MYO18B: variants seen among roughly 807,000 people sequenced by gnomAD.
The protein encoded by MYO18B is unconventional myosin-XVIIIb.
MYO18B carries 204 observed loss-of-function variants against 273.0 expected under a neutral mutation model. The ratio of observed to expected loss-of-function variants is 0.75; its 90% CI spans 0.67 to 0.84. MYO18B has a LOEUF of 0.84. Ranked by LOEUF, MYO18B falls within the 40% of genes least tolerant of loss-of-function variation. MYO18B has a pLI of 0.00. For synonymous variants in MYO18B, 1,330 were observed against 1,305.7 expected, an observed-to-expected ratio of 1.02 and a Z score of -0.40; for missense variants, 3,212 against 3,287.6, an observed-to-expected ratio of 0.98 and a Z score of 0.56.
intron 11 of MYO18B, among the ~76,000 whole-genome samples, chr22:25,789,014 C>T (rs2087521217): frequency 6.6e-6 from 1 of 152,050 alleles, no homozygotes. Flanking sequence ...CTTCCAATGT[C>T]AGCCCTTCTT....
intron 3 of MYO18B, among the ~76,000 whole-genome samples, chr22:25,763,736 A>G (rs535206423): frequency 7.2e-5 from 11 of 152,340 alleles, no homozygotes; most frequent in Non-Finnish European, 1.3e-4. Flanking sequence ...TCAATTCTGT[A>G]TCTTAAGCAG....
In MYO18B at chr22:25,781,717, C is replaced by T. The variant is rs1319510415; in HGVS notation, c.2212-17C>T. The T allele has an allele frequency of 2.0e-6, 3 of 1,502,784 alleles. No homozygotes were observed. Among genetic ancestry groups the T allele is most frequent in the South Asian group, 1.4e-5 (1 of 72,444 alleles). 93.1% of individuals were successfully genotyped at this position (1,502,784 alleles called of 1,614,324 possible). A position where few individuals can be genotyped will look rare whatever the true frequency, so the allele number is the denominator to read the frequency against. ...TACCCAAAGCACTGACTGGGTGCCC[C>T]TCTTCTCTCCCTGCAGACAATGCTT... On this transcript the variant is annotated splice_polypyrimidine_tract_variant and intron_variant, in intron 9 of 43. Transcript: ENST00000335473.
intron 39 of MYO18B, among the ~76,000 whole-genome samples, chr22:25,986,619 G>A (rs1444953822): frequency 6.6e-6 from 1 of 152,180 alleles, no homozygotes; most frequent in African/African-American, 2.4e-5. Context: ...TTCAAGGTTT[G>A]TTAAACATTT....
intron 11 of MYO18B, among the ~76,000 whole-genome samples, chr22:25,796,217 G>T (rs1259722253): frequency 2.8e-5 from 2 of 71,928 alleles, no homozygotes; most frequent in Non-Finnish European, 5.5e-5. Flanking sequence ...AACATAATTG[G>T]AATCATAAAT....
chr22:26,026,418 C>T (rs759302018), intron 42 of MYO18B, 27 bp from the exon 43 acceptor site: 1 of 1,579,552 alleles, frequency 6.3e-7, no homozygotes, highest in Non-Finnish European at 8.6e-7. Flanking sequence ...ACAATTTCTA[C>T]AGACTGCATT....
downstream of MYO18B, among the ~76,000 whole-genome samples, chr22:26,033,307 T>C (rs944101712): frequency 6.6e-6 from 1 of 152,244 alleles, no homozygotes. Flanking sequence ...AGAGTCACCC[T>C]GCCTTTCTTC....
At chr22:25,935,167 A>AG (rs901256642) in intron 34 of MYO18B, among the ~76,000 whole-genome samples, 1 of 150,140 alleles carries the variant, frequency 6.7e-6, no homozygotes, top group African/African-American at 2.4e-5. Context: ...TCATTTCTGA[A>AG]GCTAGCTTGG....
chr22:25,775,487 T>A (rs1490553208), intron 7 of MYO18B, among the ~76,000 whole-genome samples: 1 of 152,206 alleles, frequency 6.6e-6, no homozygotes, highest in Non-Finnish European at 1.5e-5. Context: ...GACATCCTCC[T>A]GCAGCAGGGC....
Position 25,991,701 on chromosome 22 carries a change from T to G in MYO18B, c.6157-662T>G, listed in dbSNP as rs762774213. ...CTTCTTAAGGCCTCAGTTCCTCATCTGTGAAATGGGAGAAGAGTAAAGACT... is the reference window on the plus strand; with the variant it reads ...CTTCTTAAGGCCTCAGTTCCTCATCGGTGAAATGGGAGAAGAGTAAAGACT... On this transcript the variant is annotated intron_variant, in intron 39 of 43. Transcript: ENST00000335473. Among the ~76,000 whole-genome samples, 16 of 152,128 alleles carry G rather than the reference T, an allele frequency of 1.1e-4. 1 individual carries two copies. The highest frequency in any genetic ancestry group is 1.6e-4 in the Non-Finnish European group (11 of 68,024).
intron 25 of MYO18B, among the ~76,000 whole-genome samples, chr22:25,885,654 G>C (rs959188452): frequency 7.9e-5 from 12 of 152,160 alleles, no homozygotes; most frequent in African/African-American, 2.9e-4. Context: ...AATCACATTC[G>C]AGGTTTGGAC....
chr22:25,896,519 G>GT (rs1332273087), intron 28 of MYO18B: 2 of 152,198 alleles, frequency 1.3e-5, no homozygotes, highest in African/African-American at 4.8e-5. Flanking sequence ...TACCATTACT[G>GT]TTAGGGCTTT....
At chr22:25,905,376 A>C (rs1303565662) in intron 31 of MYO18B, among the ~76,000 whole-genome samples, 3 of 151,920 alleles carry the variant, frequency 2.0e-5, no homozygotes, top group African/African-American at 2.4e-5. Context: ...TGCATCATGC[A>C]CTCTGTGGAT....
At chr22:25,974,798 G>T (rs1345044142) in intron 39 of MYO18B, among the ~76,000 whole-genome samples, 1 of 152,098 alleles carries the variant, frequency 6.6e-6, no homozygotes, top group Non-Finnish European at 1.5e-5. Context: ...GGTTCCAAAG[G>T]GTCCCATTCA....
chr22:26,043,289 C>G, the MYO18B span, among the ~76,000 whole-genome samples: 1 of 151,932 alleles, frequency 6.6e-6, no homozygotes, highest in African/African-American at 2.4e-5. Context: ...CCACAGTCAT[C>G]TTATTTATTT....
rs371780298 is a variant in MYO18B, at chr22:25,835,156, G to A, written c.3061-140G>A. 2,423 of 970,154 alleles carry A rather than the reference G, an allele frequency of 2.5e-3. 74 individuals are homozygous for A. The South Asian group carries it at 0.04, about 16-fold the overall frequency. 60.1% of individuals were successfully genotyped at this position (970,154 alleles called of 1,614,324 possible). On this transcript the variant is annotated intron_variant, in intron 16 of 43. Transcript: ENST00000335473. Reference sequence around the variant, plus strand: ...CACTGAGAGTCTGGGGTGATTGGGAGCATGGTTTTGGGTAGGCACGTTCTG... The same window carrying A: ...CACTGAGAGTCTGGGGTGATTGGGAACATGGTTTTGGGTAGGCACGTTCTG...
intron 40 of MYO18B, among the ~76,000 whole-genome samples, chr22:25,997,974 CACACGA>C (rs754905894): frequency 8.5e-6 from 1 of 117,180 alleles, no homozygotes; most frequent in Non-Finnish European, 1.9e-5. Flanking sequence ...CACACACACA[CACACGA>C]GAGAGAGAGA....
chr22:25,822,775 G>C (rs891497930), intron 12 of MYO18B, among the ~76,000 whole-genome samples: 1 of 152,248 alleles, frequency 6.6e-6, no homozygotes, highest in Non-Finnish European at 1.5e-5. Context: ...CAACTTTAAG[G>C]GGTCCGCATG....
In MYO18B at chr22:25,883,716, C is replaced by T. The variant is rs2091412969; in HGVS notation, c.4314+5668C>T. 1 of 152,112 alleles carries T rather than the reference C, an allele frequency of 6.6e-6. No homozygotes were observed. The highest frequency in any genetic ancestry group is 1.5e-5 in the Non-Finnish European group (1 of 68,030). The allele number at this position is 152,112 out of a possible 1,614,324, so 9.4% of individuals were successfully genotyped here. A position where few individuals can be genotyped will look rare whatever the true frequency, so the allele number is the denominator to read the frequency against. On this transcript the variant is annotated intron_variant, in intron 25 of 43. Transcript: ENST00000335473. This position sits in a 1 kb window ranked among gnomAD's most constrained non-coding sequence, Gnocchi z 7.6. ...CCCTTTGTCTCTGGAGGGGGAGAAA[C>T]AGTAATATAAACATTGCTAAAACGT... is the stretch of plus-strand genomic sequence containing the variant.
intron 18 of MYO18B, among the ~76,000 whole-genome samples, chr22:25,845,023 G>A (rs1053470162): frequency 2.0e-5 from 3 of 152,052 alleles, no homozygotes; most frequent in Non-Finnish European, 2.9e-5. Context: ...TTCAGATTCC[G>A]TTTTTCCCTC....
Sources: gnomAD v4.1 joint callset for allele counts (sites outside exome capture counted in the v4.1 genomes callset) on GRCh38, gnomAD v4.1.1 for gene constraint, Gnocchi (gnomAD v3.1) non-coding constraint, MANE v1.5 for transcripts, NCBI Gene and HGNC (gene_info 2026-07-23, HGNC 2026-07-21) for gene names.